PPP2R2B: variants seen among roughly 807,000 people sequenced by gnomAD.
PPP2R2B encodes serine/threonine-protein phosphatase 2A 55 kDa regulatory subunit B beta isoform.
In PPP2R2B, 5 loss-of-function variants were observed where a neutral mutation model predicts 46.0. The ratio of observed to expected loss-of-function variants is 0.11; its 90% CI spans 0.06 to 0.23. PPP2R2B has a LOEUF of 0.23. Ranked by LOEUF, PPP2R2B falls within the 10% of genes least tolerant of loss-of-function variation. The pLI, the probability that PPP2R2B is intolerant of heterozygous loss-of-function variation, is 1.00. For missense variants in PPP2R2B, 367 were observed against 575.0 expected (o/e 0.64, Z 3.70); for synonymous variants, 215 against 206.7 (o/e 1.04, Z -0.34).
Position 147,067,978 on chromosome 5 carries a change from A to T in PPP2R2B, c.50+13081T>A, listed in dbSNP as rs562286282. Among the ~76,000 whole-genome samples, 306 of 152,304 alleles carry T rather than the reference A, an allele frequency of 2.0e-3. 1 individual carries two copies. The highest frequency in any genetic ancestry group is 3.3e-3 in the Non-Finnish European group (222 of 68,024). On this transcript the variant is annotated intron_variant, in intron 2 of 10. Transcript: ENST00000394413. ...GTTTATTGCTCTTCCCAAAGATGAA[A>T]TATAATCTTTGTGTGCACCCAGGTG...
At chr5:146,934,130 T>C (rs1294544017) in intron 1 of PPP2R2B, among the ~76,000 whole-genome samples, 4 of 152,142 alleles carry the variant, frequency 2.6e-5, no homozygotes, top group Non-Finnish European at 5.9e-5. Flanking sequence ...TGAATAATGC[T>C]GCAATAAATA....
intron 1 of PPP2R2B, among the ~76,000 whole-genome samples, chr5:146,908,859 T>C (rs984332145): frequency 3.3e-5 from 5 of 151,900 alleles, no homozygotes; most frequent in Non-Finnish European, 5.9e-5. Context: ...TGGAGTGCAG[T>C]GCCGTGATCA....
At chr5:146,652,780 G>T (rs1776065660) in intron 5 of PPP2R2B, among the ~76,000 whole-genome samples, 1 of 151,994 alleles carries the variant, frequency 6.6e-6, no homozygotes, top group Non-Finnish European at 1.5e-5. Context: ...AAAAAGTTTT[G>T]CCATTATTCC....
chr5:146,583,050 C>T lies in PPP2R2B; in HGVS notation c.*6897G>A, dbSNP rs1352714102. On this transcript the variant is annotated 3_prime_UTR_variant, in exon 10 of 10. Transcript: ENST00000394411. ...GCCTTCCTACTTTTTACTAATCAGT[C>T]ATACCAGAGTGTTGTGAATTCCATA... 3 of 152,218 alleles carry T rather than the reference C, an allele frequency of 2.0e-5. No individual in the cohort carries two copies. In the East Asian group the frequency reaches 5.8e-4, roughly 29 times the overall value. 9.4% of individuals were successfully genotyped at this position (152,218 alleles called of 1,614,324 possible).
intron 1 of PPP2R2B, among the ~76,000 whole-genome samples, chr5:147,002,694 C>T (rs1002229207): frequency 1.3e-5 from 2 of 152,032 alleles, no homozygotes; most frequent in Admixed American, 6.6e-5. Context: ...TCTGCTGCTG[C>T]GTCGGTGGGC....
chr5:146,928,513 T>A (rs993944187), intron 1 of PPP2R2B, among the ~76,000 whole-genome samples: 3 of 152,118 alleles, frequency 2.0e-5, no homozygotes, highest in Non-Finnish European at 4.4e-5. Context: ...TCTCATACCA[T>A]CAGGAAATTC....
intron 9 of PPP2R2B, chr5:146,592,226 G>T (rs1256421539): frequency 2.6e-6 from 1 of 384,350 alleles, no homozygotes. Flanking sequence ...TGGATCAGTG[G>T]CAAAGAAAGC....
rs1167631082 is a variant in PPP2R2B at position 146,804,841 on chromosome 5, G to A, written c.70+73161C>T. On this transcript the variant is annotated intron_variant, in intron 2 of 9. Coordinates refer to ENST00000394411, the MANE Select transcript of PPP2R2B (RefSeq NM_181675.4). ...ATATGTTTAATGCTTCACACTCCAT[G>A]ATGAGTCCTGGAGAAGAAATGAGGC... 2.0e-5 allele frequency among the ~76,000 whole-genome samples: 3 copies of A among 152,302 alleles called. No individual in the cohort carries two copies. The South Asian group carries it at 6.2e-4, about 32-fold the overall frequency.
intron 1 of PPP2R2B, among the ~76,000 whole-genome samples, chr5:146,983,921 T>C (rs1383102743): frequency 1.3e-5 from 2 of 152,018 alleles, no homozygotes; most frequent in African/African-American, 4.8e-5. Context: ...GAAAATGTCT[T>C]AATTTTCCCT....
At chr5:146,602,756 T>TA (rs1438742365) in intron 7 of PPP2R2B, among the ~76,000 whole-genome samples, 2 of 152,262 alleles carry the variant, frequency 1.3e-5, no homozygotes, top group South Asian at 2.1e-4. Context: ...GCAAAAATTT[T>TA]AAAAAAATCA....
intron 7 of PPP2R2B, among the ~76,000 whole-genome samples, chr5:146,620,391 A>G (rs1208811815): frequency 1.3e-5 from 2 of 152,150 alleles, no homozygotes; most frequent in Admixed American, 1.3e-4. Flanking sequence ...AAAGATATTG[A>G]TTGAAGGAGG....
At chr5:146,913,080 CT>C (rs1763251406) in intron 1 of PPP2R2B, among the ~76,000 whole-genome samples, 1 of 152,156 alleles carries the variant, frequency 6.6e-6, no homozygotes, top group African/African-American at 2.4e-5. Flanking sequence ...TGCAGCTGTC[CT>C]CTGGAGGCCC....
chr5:146,706,141 C>T (rs1380456778), intron 2 of PPP2R2B, among the ~76,000 whole-genome samples: 1 of 152,144 alleles, frequency 6.6e-6, no homozygotes, highest in East Asian at 1.9e-4. Flanking sequence ...CCTTGCACAG[C>T]AGCCTCCCTC....
intron 7 of PPP2R2B, among the ~76,000 whole-genome samples, chr5:146,605,843 G>A (rs905154558): frequency 6.6e-6 from 1 of 152,212 alleles, no homozygotes; most frequent in Admixed American, 6.5e-5. Flanking sequence ...TATTGCTATA[G>A]TCAAAACAAC....
chr5:146,835,948 C>G (rs1469694153), intron 2 of PPP2R2B, among the ~76,000 whole-genome samples: 1 of 152,036 alleles, frequency 6.6e-6, no homozygotes, highest in Non-Finnish European at 1.5e-5. Context: ...GCTATGGGAC[C>G]AATTATGAAA....
intron 2 of PPP2R2B, among the ~76,000 whole-genome samples, chr5:146,764,800 CGAGAGAGAGA>C (rs67810307): frequency 0.59 from 88,274 of 149,844 alleles, 27,325 homozygotes; most frequent in Non-Finnish European, 0.68. Flanking sequence ...ATCTCTATCC[CGAGAGAGAGA>C]GAGAGAGAGA....
intron 2 of PPP2R2B, among the ~76,000 whole-genome samples, chr5:146,749,757 C>A (rs1753434862): frequency 6.6e-6 from 1 of 151,844 alleles, no homozygotes; most frequent in Admixed American, 6.6e-5. Context: ...TGCCACCATG[C>A]CCGGCTAATT....
In PPP2R2B at chr5:146,873,346, C is replaced by T. The variant is rs187094715; in HGVS notation, c.70+4656G>A. 2.5e-3 allele frequency among the ~76,000 whole-genome samples: 380 copies of T among 152,272 alleles called. 1 individual carries two copies. Among genetic ancestry groups the T allele is most frequent in the Non-Finnish European group, 4.4e-3 (298 of 68,012 alleles). ...AACTTTCATTCTTTTTCATTACATG[C>T]CTGGCTCTCTAACCCCATCCTACAC... On this transcript the variant is annotated intron_variant, in intron 2 of 9. Transcript: ENST00000394411.
intron 2 of PPP2R2B, among the ~76,000 whole-genome samples, chr5:146,844,183 TCA>T (rs1759839319): frequency 2.0e-5 from 2 of 101,178 alleles, no homozygotes; most frequent in African/African-American, 9.9e-5. Context: ...AAGGGGAATA[TCA>T]CACTCTGGGG....
Sources: gnomAD v4.1 joint callset for allele counts (sites outside exome capture counted in the v4.1 genomes callset) on GRCh38, gnomAD v4.1.1 for gene constraint, MANE v1.5 for transcripts, NCBI Gene and HGNC (gene_info 2026-07-23, HGNC 2026-07-21) for gene names.